Variants in SMS observed in about 807,000 individuals in gnomAD.
SMS encodes the protein spermine synthase.
Under a neutral mutation model 33.0 loss-of-function variants are expected in SMS, and 3 were observed. The observed-to-expected ratio is 0.09, with a 90% confidence interval of 0.04 to 0.23. The LOEUF is 0.23. SMS is among the 10% of genes least tolerant of loss of function. The probability of loss-of-function intolerance (pLI) is 1.00; values close to 1 mark genes in which losing one functional copy is unlikely to be tolerated. For missense variants in SMS, 117 were observed against 288.6 expected (o/e 0.41, Z 4.31); for synonymous variants, 103 against 112.2 (o/e 0.92, Z 0.52).
chrX:21,953,473 A>G (rs1010263082), intron 1 of SMS, among the ~76,000 whole-genome samples: 2 of 112,325 alleles, frequency 1.8e-5, no homozygotes, highest in Admixed American at 9.5e-5. Flanking sequence ...GGGTCTTCAC[A>G]ATGCCTGGGA....
Position 21,992,584 on chromosome X carries a change from C to G in SMS, c.946-13C>G. 8.9e-7 allele frequency: 1 copy of G among 1,123,773 alleles called. No homozygotes were observed. The highest frequency in any genetic ancestry group is 1.2e-6 in the Non-Finnish European group (1 of 816,645). The allele number at this position is 1,123,773 out of a possible 1,213,427, so 92.6% of individuals were successfully genotyped here. A position where few individuals can be genotyped will look rare whatever the true frequency, so the allele number is the denominator to read the frequency against. On this transcript the variant is annotated splice_polypyrimidine_tract_variant and intron_variant, in intron 9 of 10. Transcript: ENST00000404933. ...ACTCAAGAATCCCATTTGCTTATCT[C>G]TCTTTGATTTAGGGGAACTGTGTCA...
At chrX:21,950,862 T>G (rs1449539891) in intron 1 of SMS, among the ~76,000 whole-genome samples, 1 of 112,019 alleles carries the variant, frequency 8.9e-6, no homozygotes, top group African/African-American at 3.3e-5. Context: ...GGCATTTGGG[T>G]TGGTTCCAAG....
intron 1 of SMS, among the ~76,000 whole-genome samples, chrX:21,944,522 C>CAAAAAAAAAAAAAAAAAAAAAAAAAAAA (rs777680386): frequency 1.4e-4 from 5 of 34,702 alleles, no homozygotes; most frequent in African/African-American, 3.6e-4. Context: ...CCTGTCTCTA[C>CAAAAAAAAAAAAAAAAAAAAAAAAAAAA]AAAAAAAAAA....
At position 21,954,891 on chromosome X, in the gene SMS, C is replaced by G. The variant is rs896731465; in HGVS notation, c.50-12305C>G. 3.6e-5 allele frequency among the ~76,000 whole-genome samples: 4 copies of G among 110,862 alleles called. 1 individual carries two copies. In the Admixed American group the frequency reaches 3.8e-4, roughly 11 times the overall value. On this transcript the variant is annotated intron_variant, in intron 1 of 10. Transcript: ENST00000404933. The stretch of plus-strand genomic sequence containing the variant: ...TTGCTCTGTTGCCCAGGATGAAGTG[C>G]AGTGGCGTGATCTTGGCTCACGGCA...
chrX:21,988,662 C>CAAAAA (rs199561897), intron 9 of SMS, among the ~76,000 whole-genome samples: 22 of 66,130 alleles, frequency 3.3e-4, no homozygotes, highest in Admixed American at 8.9e-4. Context: ...GACTCTGTCT[C>CAAAAA]AAAAAAAAAA....
At chrX:21,959,935 A>G in intron 1 of SMS, 7 of 754,162 alleles carry the variant, frequency 9.3e-6, no homozygotes, top group Non-Finnish European at 1.1e-5. Context: ...GCAGGCAAGA[A>G]GGGGCCGGGT....
chrX:21,989,777 C>CTGT (rs1392953216), intron 9 of SMS, among the ~76,000 whole-genome samples: 1 of 111,474 alleles, frequency 9.0e-6, no homozygotes, highest in Non-Finnish European at 1.9e-5. Flanking sequence ...GAGTCTCACT[C>CTGT]TGTGGCCCAG....
chrX:21,948,142 A>G (rs1922361967), intron 1 of SMS, among the ~76,000 whole-genome samples: 1 of 111,883 alleles, frequency 8.9e-6, no homozygotes. Context: ...GTAAACCACA[A>G]TGATTCTTTT....
chrX:21,983,535 C>G (rs1458120527), intron 7 of SMS, among the ~76,000 whole-genome samples: 2 of 111,669 alleles, frequency 1.8e-5, no homozygotes, highest in Non-Finnish European at 3.8e-5. Flanking sequence ...AACTTCTTTT[C>G]TGTGTTAACT....
At chrX:21,955,395 C>T (rs769103297) in intron 1 of SMS, among the ~76,000 whole-genome samples, 20 of 112,207 alleles carry the variant, frequency 1.8e-4, no homozygotes, top group Non-Finnish European at 3.6e-4. Context: ...GCCTGCCCCT[C>T]TGTGATGAGG....
chrX:21,940,990 C>A, intron 1 of SMS, 117 bp downstream of exon 1: 1 of 234,674 alleles, frequency 4.3e-6, no homozygotes, highest in Non-Finnish European at 6.1e-6. Flanking sequence ...GCGGCCCGCG[C>A]GGCGCCGCAC....
At chrX:21,979,086 G>C in intron 7 of SMS, 120 bp downstream of exon 7, 1 of 534,216 alleles carries the variant, frequency 1.9e-6, no homozygotes, top group Admixed American at 2.6e-5. Context: ...TACATCATCT[G>C]TCTCTTCATA....
intron 1 of SMS, 65 bp downstream of exon 1, chrX:21,940,938 C>CG: frequency 2.6e-6 from 2 of 758,552 alleles, no homozygotes; most frequent in Admixed American, 4.9e-5. Flanking sequence ...CGGGCTGGGG[C>CG]GGGGGTCGGG....
intron 7 of SMS, among the ~76,000 whole-genome samples, chrX:21,982,616 A>G (rs1249255246): frequency 8.9e-6 from 1 of 112,171 alleles, no homozygotes; most frequent in Non-Finnish European, 1.9e-5. Context: ...GCTTGTAGTG[A>G]CCAAGGCTTG....
At chrX:21,975,309 T>C (rs1924462249) in intron 4 of SMS, among the ~76,000 whole-genome samples, 1 of 111,304 alleles carries the variant, frequency 9.0e-6, no homozygotes, top group South Asian at 3.8e-4. Context: ...GTTAAGATCC[T>C]TCTTTCTTTG....
intron 1 of SMS, among the ~76,000 whole-genome samples, chrX:21,952,978 G>A (rs1922721761): frequency 9.3e-6 from 1 of 107,677 alleles, no homozygotes; most frequent in Non-Finnish European, 1.9e-5. Flanking sequence ...GCCCAGGCTG[G>A]TCTCAAGCTC....
At chrX:21,960,715 G>T (rs757685000) in intron 1 of SMS, among the ~76,000 whole-genome samples, 1 of 110,780 alleles carries the variant, frequency 9.0e-6, no homozygotes, top group Non-Finnish European at 1.9e-5. Context: ...ACAACGTCAA[G>T]GCTCTGGCCT....
chrX:21,959,619 G>C (rs1292974954), intron 1 of SMS, among the ~76,000 whole-genome samples: 1 of 112,806 alleles, frequency 8.9e-6, no homozygotes, highest in Non-Finnish European at 1.9e-5. Context: ...CTAGTATCAA[G>C]ATTAGAAACA....
intron 1 of SMS, among the ~76,000 whole-genome samples, chrX:21,964,187 T>C (rs1201594775): frequency 2.7e-5 from 3 of 111,362 alleles, no homozygotes; most frequent in Non-Finnish European, 5.7e-5. Context: ...GCTAGATTAT[T>C]TTCTGCCAAA....
Sources: gnomAD v4.1 joint callset for allele counts (sites outside exome capture counted in the v4.1 genomes callset) on GRCh38, gnomAD v4.1.1 for gene constraint, MANE v1.5 for transcripts, NCBI Gene and HGNC (gene_info 2026-07-23, HGNC 2026-07-21) for gene names.